The following WDR12 variants were observed in gnomAD, a reference collection of about 807,000 sequenced individuals.
WDR12 encodes ribosome biogenesis protein WDR12.
A neutral mutation model predicts 64.3 loss-of-function variants in WDR12; 42 were observed. The ratio of observed to expected loss-of-function variants is 0.65; its 90% confidence interval spans 0.51 to 0.84. WDR12 has a LOEUF of 0.84. Among genes scored for constraint, WDR12 ranks in the 40% least tolerant of loss-of-function variants. The pLI is 0.00. For synonymous variants in WDR12, 158 were observed against 173.3 expected (o/e 0.91, Z 0.70); for missense variants, 469 against 494.6 (o/e 0.95, Z 0.49).
rs1687844985 is a variant in WDR12 at position 202,875,569 on chromosome 2, G to T, written c.*5291C>A. Reference sequence around the variant, plus strand: ...ATGACTGGCTAATTTTGTATTTTTAGTAGAGACGGGGTTTCTCCATGTTGG... The same window carrying T: ...ATGACTGGCTAATTTTGTATTTTTATTAGAGACGGGGTTTCTCCATGTTGG... On this transcript the variant is annotated 3_prime_UTR_variant, in exon 13 of 13. Transcript: ENST00000261015. 6.6e-6 allele frequency: 1 copy of T among 152,028 alleles called. No homozygotes were observed. The highest frequency in any genetic ancestry group is 2.1e-4 in the South Asian group (1 of 4,818). The allele number at this position is 152,028 out of a possible 1,614,324, so 9.4% of individuals were successfully genotyped here.
intron 8 of WDR12, among the ~76,000 whole-genome samples, chr2:202,887,029 G>GT (rs1380405926): frequency 6.6e-6 from 1 of 152,010 alleles, no homozygotes. Flanking sequence ...CCACAGTTTT[G>GT]TTTTTTGTTT....
intron 10 of WDR12, among the ~76,000 whole-genome samples, chr2:202,883,967 C>A (rs1688001028): frequency 6.6e-6 from 1 of 152,128 alleles, no homozygotes. Flanking sequence ...CACGCGCCAC[C>A]ACACCCAGCT....
intron 8 of WDR12, 102 bp downstream of exon 8, chr2:202,892,515 G>GT (rs1688172249): frequency 2.8e-6 from 2 of 704,318 alleles, no homozygotes; most frequent in South Asian, 2.3e-5. Flanking sequence ...AAGCAGCAAG[G>GT]TAAGACAGAA....
intron 1 of WDR12, among the ~76,000 whole-genome samples, chr2:202,908,358 G>A (rs1394532447): frequency 6.6e-6 from 1 of 152,208 alleles, no homozygotes; most frequent in East Asian, 1.9e-4. Flanking sequence ...GGGAGGCTGA[G>A]GTGGGAGGAC....
chr2:202,903,782 C>T (rs377722532), intron 2 of WDR12, among the ~76,000 whole-genome samples: 2 of 151,864 alleles, frequency 1.3e-5, no homozygotes, highest in Admixed American at 1.3e-4. Context: ...AAATAAAATA[C>T]CTAGGAATTA....
At chr2:202,888,769 G>GTT (rs1688095623) in intron 8 of WDR12, among the ~76,000 whole-genome samples, 1 of 152,116 alleles carries the variant, frequency 6.6e-6, no homozygotes, top group African/African-American at 2.4e-5. Context: ...CTGGAGTGCA[G>GTT]TGGTGCAATC....
intron 1 of WDR12, among the ~76,000 whole-genome samples, chr2:202,910,235 T>C (rs1444473284): frequency 6.6e-6 from 1 of 152,114 alleles, no homozygotes; most frequent in East Asian, 1.9e-4. Context: ...TCAACAATTA[T>C]CTCAAGGCTG....
At chr2:202,904,898 A>C (rs1262971956) in intron 2 of WDR12, among the ~76,000 whole-genome samples, 1 of 152,228 alleles carries the variant, frequency 6.6e-6, no homozygotes, top group East Asian at 1.9e-4. Context: ...CAGAATGGGA[A>C]TAATTATTTG....
At chr2:202,885,927 C>T (rs1285931752) in intron 8 of WDR12, among the ~76,000 whole-genome samples, 1 of 152,006 alleles carries the variant, frequency 6.6e-6, no homozygotes, top group Non-Finnish European at 1.5e-5. Flanking sequence ...CTTAATGACA[C>T]ATGACTATAG....
chr2:202,900,873 A>C (rs1229124398), intron 3 of WDR12, 152 bp downstream of exon 3: 1 of 513,978 alleles, frequency 1.9e-6, no homozygotes, highest in Non-Finnish European at 3.4e-6. Flanking sequence ...TAAAATATAC[A>C]CACAATACAT....
intron 4 of WDR12, among the ~76,000 whole-genome samples, chr2:202,897,780 T>C (rs1184522626): frequency 3.4e-5 from 5 of 147,602 alleles, no homozygotes; most frequent in Non-Finnish European, 6.0e-5. Context: ...TCTCAGCTAC[T>C]CAGGAGGCTG....
rs1308159042 is a variant in WDR12, at chr2:202,874,577, T to TG, written c.*6282dup. ...TAAAAATTATTCTACTGTTTTGTAC[T>TG]GTTTTACTAAGGATTAGAGGTCTAT... is the stretch of plus-strand genomic sequence containing the variant. On this transcript the variant is annotated 3_prime_UTR_variant, in exon 13 of 13. Transcript: ENST00000261015. 6.6e-6 allele frequency among the ~76,000 whole-genome samples: 1 copy of TG among 152,240 alleles called. No individual in the cohort carries two copies. Among genetic ancestry groups the TG allele is most frequent in the African/African-American group, 2.4e-5 (1 of 41,464 alleles).
intron 8 of WDR12, among the ~76,000 whole-genome samples, chr2:202,891,993 C>T (rs1165859545): frequency 2.6e-5 from 4 of 152,120 alleles, no homozygotes; most frequent in Admixed American, 6.6e-5. Context: ...TAATGTACAG[C>T]ATGGGTGGTG....
chr2:202,894,689 C>T, intron 6 of WDR12, 63 bp from the exon 7 acceptor site: 3 of 1,345,474 alleles, frequency 2.2e-6, no homozygotes, highest in Non-Finnish European at 3.1e-6. Context: ...TTGCCTACAA[C>T]AGTAGGTCTC....
intron 10 of WDR12, among the ~76,000 whole-genome samples, 159 bp from the exon 11 acceptor site, chr2:202,883,900 C>T (rs1687999356): frequency 2.0e-5 from 3 of 152,048 alleles, no homozygotes; most frequent in African/African-American, 7.2e-5. Context: ...GCAACCTCTG[C>T]CTCTGGGATT....
chr2:202,889,206 A>C (rs1180018463), intron 8 of WDR12, among the ~76,000 whole-genome samples: 6 of 152,234 alleles, frequency 3.9e-5, no homozygotes, highest in Non-Finnish European at 2.9e-5. Flanking sequence ...AAACGAAATG[A>C]ACTATGGGAG....
At position 202,877,543 on chromosome 2, in the gene WDR12, G is replaced by A. The variant is rs186548820; in HGVS notation, c.*3317C>T. 2.0e-5 allele frequency: 3 copies of A among 152,046 alleles called. No individual in the cohort carries two copies. The highest frequency in any genetic ancestry group is 1.3e-4 in the Admixed American group (2 of 15,254). The allele number at this position is 152,046 out of a possible 1,614,324, so 9.4% of individuals were successfully genotyped here. ...AAAAAATAAAAAATTGACTGGGTGT[G>A]GTCCCAGCTACTTGGAAGGCTGAGG... On this transcript the variant is annotated 3_prime_UTR_variant, in exon 13 of 13. Coordinates refer to ENST00000261015, the MANE Select transcript of WDR12 (RefSeq NM_018256.4).
intron 12 of WDR12, among the ~76,000 whole-genome samples, chr2:202,881,746 T>TAC (rs959172664): frequency 5.9e-5 from 9 of 151,760 alleles, no homozygotes; most frequent in Admixed American, 5.9e-4. Context: ...ATAAAGAAGA[T>TAC]ACACATGGGG....
chr2:202,884,542 A>C lies in WDR12; in HGVS notation c.742-7T>G, dbSNP rs778065473. On this transcript the variant is annotated splice_region_variant and splice_polypyrimidine_tract_variant and intron_variant, in intron 8 of 12. Coordinates refer to ENST00000261015, the MANE Select transcript of WDR12 (RefSeq NM_018256.4). The stretch of plus-strand genomic sequence containing the variant: ...AGAGGGTCACTATGGGAGTCTAGAA[A>C]GGAAGAACCCCAAAAGGGGAAAGTG... The C allele has an allele frequency of 6.2e-7, 1 of 1,601,020 alleles. No homozygotes were observed. Among genetic ancestry groups the C allele is most frequent in the East Asian group, 2.2e-5 (1 of 44,844 alleles).
Sources: allele counts gnomAD v4.1 joint callset (sites outside exome capture counted in the v4.1 genomes callset), GRCh38; gene constraint gnomAD v4.1.1; transcripts MANE v1.5; gene names NCBI Gene and HGNC (gene_info 2026-07-23, HGNC 2026-07-21).